Variants in ST8SIA1 observed in about 807,000 individuals in gnomAD.
ST8SIA1 encodes alpha-N-acetylneuraminide alpha-2,8-sialyltransferase.
ST8SIA1 carries 16 observed loss-of-function variants against 35.9 expected under a neutral mutation model. The ratio of observed to expected loss-of-function variants is 0.45; its 90% CI spans 0.30 to 0.68. ST8SIA1 has a LOEUF of 0.68. Ranked by LOEUF, ST8SIA1 falls within the 30% of genes least tolerant of loss-of-function variation. The pLI, the probability that ST8SIA1 is intolerant of heterozygous loss-of-function variation, is 0.09. For missense variants in ST8SIA1, 383 were observed against 453.6 expected, an observed-to-expected ratio of 0.84 and a Z score of 1.41; for synonymous variants, 170 against 169.6, an observed-to-expected ratio of 1.00 and a Z score of -0.02.
chr12:22,277,366 CTTTTTTT>C (rs34650104), intron 2 of ST8SIA1, among the ~76,000 whole-genome samples: 14 of 124,824 alleles, frequency 1.1e-4, no homozygotes, highest in African/African-American at 4.0e-4. Context: ...TAATAGTGAA[CTTTTTTT>C]TTTTTTTTTT....
At chr12:22,210,849 C>T (rs1865168592) in intron 4 of ST8SIA1, among the ~76,000 whole-genome samples, 1 of 152,322 alleles carries the variant, frequency 6.6e-6, no homozygotes, top group Non-Finnish European at 1.5e-5. Context: ...AAGACCATAA[C>T]CTACTCTTGT....
chr12:22,281,819 C>CAAAAAAAAAAAA (rs11423875), intron 2 of ST8SIA1, among the ~76,000 whole-genome samples: 1 of 102,988 alleles, frequency 9.7e-6, no homozygotes, highest in Non-Finnish European at 2.0e-5. Flanking sequence ...CTTGTCTCTA[C>CAAAAAAAAAAAA]AAAAAAAAAA....
chr12:22,236,558 C>G (rs185531745), intron 4 of ST8SIA1, among the ~76,000 whole-genome samples: 20 of 152,280 alleles, frequency 1.3e-4, no homozygotes, highest in Admixed American at 1.1e-3. Context: ...AAATTGTTGG[C>G]CCAGTGGCAT....
At chr12:22,273,831 T>A (rs1421273092) in intron 2 of ST8SIA1, among the ~76,000 whole-genome samples, 1 of 152,190 alleles carries the variant, frequency 6.6e-6, no homozygotes, top group East Asian at 1.9e-4. Context: ...CTGAGACACA[T>A]AACTCCCTAT....
intron 4 of ST8SIA1, among the ~76,000 whole-genome samples, chr12:22,239,922 A>G (rs1865521043): frequency 6.6e-6 from 1 of 152,112 alleles, no homozygotes. Context: ...CCTGACTTTT[A>G]TAATTCACAC....
At chr12:22,280,667 T>C (rs1218613376) in intron 2 of ST8SIA1, among the ~76,000 whole-genome samples, 1 of 152,258 alleles carries the variant, frequency 6.6e-6, no homozygotes, top group African/African-American at 2.4e-5. Context: ...TTCAATTATT[T>C]CTAAATTTGA....
chr12:22,277,019 T>C (rs999610158), intron 2 of ST8SIA1, among the ~76,000 whole-genome samples: 4 of 152,138 alleles, frequency 2.6e-5, no homozygotes, highest in African/African-American at 9.7e-5. Flanking sequence ...AGTAAGTATG[T>C]TATATCTCAG....
chr12:22,241,773 T>C (rs1865543958), intron 4 of ST8SIA1, among the ~76,000 whole-genome samples: 1 of 152,064 alleles, frequency 6.6e-6, no homozygotes, highest in Non-Finnish European at 1.5e-5. Context: ...TGTCTGCTTC[T>C]GTGAGCAACT....
intron 2 of ST8SIA1, among the ~76,000 whole-genome samples, chr12:22,255,737 G>A (rs1865722018): frequency 6.6e-6 from 1 of 151,908 alleles, no homozygotes. Context: ...CCATTAAGCT[G>A]GAAACAAATG....
intron 4 of ST8SIA1, among the ~76,000 whole-genome samples, chr12:22,246,849 G>T (rs952671435): frequency 6.6e-6 from 1 of 152,160 alleles, no homozygotes; most frequent in Non-Finnish European, 1.5e-5. Context: ...TTTCAAGGAT[G>T]AAGTGAGGAA....
chr12:22,223,061 T>C (rs1865317472), intron 4 of ST8SIA1, among the ~76,000 whole-genome samples: 1 of 152,190 alleles, frequency 6.6e-6, no homozygotes. Context: ...ACTTCCTTCA[T>C]TTATTTAACA....
intron 4 of ST8SIA1, among the ~76,000 whole-genome samples, chr12:22,211,597 T>C (rs760754637): frequency 5.3e-5 from 8 of 152,372 alleles, no homozygotes; most frequent in Middle Eastern, 3.4e-3. Context: ...TTTAATTTTT[T>C]AGAAGGTGAA....
intron 4 of ST8SIA1, among the ~76,000 whole-genome samples, chr12:22,206,599 A>C (rs1199674370): frequency 6.6e-6 from 1 of 152,194 alleles, no homozygotes; most frequent in Non-Finnish European, 1.5e-5. Flanking sequence ...TCCCAAGTGG[A>C]ATACTGACAC....
At position 22,321,469 on chromosome 12, in the gene ST8SIA1, C is replaced by A. The variant is rs76101065; in HGVS notation, c.236+12528G>T. Among the ~76,000 whole-genome samples the A allele has an allele frequency of 8.6e-3, 1,311 of 152,330 alleles. 21 individuals carry two copies. Among genetic ancestry groups the A allele is most frequent in the African/African-American group, 0.03 (1,259 of 41,562 alleles). ...AGCTCCTAGAGGAGGGTGGAGTGGG[C>A]TCCACCTCAGCGATTGCTCTTCTTG... On this transcript the variant is annotated intron_variant, in intron 1 of 4. Transcript: ENST00000396037.
chr12:22,283,743 A>C (rs1036032069), intron 2 of ST8SIA1, among the ~76,000 whole-genome samples: 2 of 152,308 alleles, frequency 1.3e-5, no homozygotes, highest in African/African-American at 2.4e-5. Flanking sequence ...GGTCCAGCCC[A>C]AGTGAGACAC....
At chr12:22,267,454 T>C (rs1865862306) in intron 2 of ST8SIA1, among the ~76,000 whole-genome samples, 1 of 152,218 alleles carries the variant, frequency 6.6e-6, no homozygotes, top group Admixed American at 6.5e-5. Flanking sequence ...GCTGATGCTT[T>C]ATTTCCCCAA....
intron 4 of ST8SIA1, among the ~76,000 whole-genome samples, chr12:22,230,744 C>T (rs368763546): frequency 6.6e-6 from 1 of 152,054 alleles, no homozygotes; most frequent in East Asian, 1.9e-4. Context: ...AGAGACTAGA[C>T]ATTGAGTTGA....
chr12:22,267,687 C>G (rs1865864217), intron 2 of ST8SIA1, among the ~76,000 whole-genome samples: 1 of 152,106 alleles, frequency 6.6e-6, no homozygotes, highest in Non-Finnish European at 1.5e-5. Flanking sequence ...CCTTTTTTCA[C>G]AGTGTAACTC....
At chr12:22,320,288 T>C (rs909165573) in intron 1 of ST8SIA1, among the ~76,000 whole-genome samples, 2 of 152,184 alleles carry the variant, frequency 1.3e-5, no homozygotes, top group African/African-American at 4.8e-5. Flanking sequence ...TTCCCTCTTA[T>C]CTGGGAATTA....
Sources: gnomAD v4.1 joint callset for allele counts (sites outside exome capture counted in the v4.1 genomes callset) on GRCh38, gnomAD v4.1.1 for gene constraint, MANE v1.5 for transcripts, NCBI Gene and HGNC (gene_info 2026-07-23, HGNC 2026-07-21) for gene names.